Variants in CPQ observed in about 807,000 individuals in gnomAD.
CPQ encodes Ser-Met dipeptidase.
CPQ carries 37 observed loss-of-function variants against 45.7 expected under a neutral mutation model. The observed-to-expected ratio is 0.81, with a 90% CI of 0.62 to 1.07. The LOEUF is 1.07. Ranked by LOEUF, CPQ falls within the 50% of genes least tolerant of loss-of-function variation. The probability of loss-of-function intolerance (pLI) is 0.00; values close to 1 mark genes in which losing one functional copy is unlikely to be tolerated. For missense variants in CPQ, 537 were observed against 572.9 expected (o/e 0.94, Z 0.64); for synonymous variants, 186 against 205.8 (o/e 0.90, Z 0.82).
intron 4 of CPQ, among the ~76,000 whole-genome samples, chr8:96,883,660 A>G (rs1226609117): frequency 2.0e-5 from 3 of 152,216 alleles, no homozygotes; most frequent in Non-Finnish European, 4.4e-5. Context: ...AGCAAGAAGC[A>G]TGAAGTCCCT....
intron 4 of CPQ, among the ~76,000 whole-genome samples, chr8:96,904,412 TG>T (rs1385425615): frequency 6.6e-6 from 1 of 152,208 alleles, no homozygotes; most frequent in Non-Finnish European, 1.5e-5. Context: ...GTTTTGTTTT[TG>T]TTTTTTGTTA....
At chr8:96,751,478 G>A (rs1343406440) in intron 1 of CPQ, among the ~76,000 whole-genome samples, 2 of 152,184 alleles carry the variant, frequency 1.3e-5, no homozygotes, top group Admixed American at 1.3e-4. Flanking sequence ...ACTTTTTAAT[G>A]GGGTTGTTTA....
intron 7 of CPQ, among the ~76,000 whole-genome samples, chr8:97,070,923 A>G (rs1372431132): frequency 6.6e-6 from 1 of 152,182 alleles, no homozygotes; most frequent in East Asian, 1.9e-4. Context: ...CATGGTTCTT[A>G]GATGTCCCTA....
intron 1 of CPQ, among the ~76,000 whole-genome samples, chr8:96,647,479 A>G (rs111777327): frequency 3.9e-5 from 6 of 152,308 alleles, no homozygotes; most frequent in African/African-American, 1.2e-4. Context: ...ATACTATGGT[A>G]AGTCCTATTT....
chr8:96,788,684 G>A (rs1158880405), intron 2 of CPQ, among the ~76,000 whole-genome samples: 1 of 150,616 alleles, frequency 6.6e-6, no homozygotes, highest in Non-Finnish European at 1.5e-5. Context: ...AATTTGAGAA[G>A]TTTTCAGCTA....
intron 5 of CPQ, among the ~76,000 whole-genome samples, chr8:96,976,216 T>C (rs1043962905): frequency 4.7e-5 from 4 of 85,008 alleles, no homozygotes; most frequent in Non-Finnish European, 9.0e-5. Context: ...GAGAATCAAA[T>C]TAAGAACTCA....
chr8:96,870,898 C>T (rs1229350407), intron 3 of CPQ, among the ~76,000 whole-genome samples: 1 of 151,880 alleles, frequency 6.6e-6, no homozygotes, highest in Non-Finnish European at 1.5e-5. Flanking sequence ...AAAGGCCTTT[C>T]TCTGATGTCT....
At chr8:96,679,734 G>T (rs536736230) in intron 1 of CPQ, among the ~76,000 whole-genome samples, 99 of 147,906 alleles carry the variant, frequency 6.7e-4, no homozygotes, top group Middle Eastern at 7.1e-3. Context: ...GTGATTCTTT[G>T]TATTTCTGTG....
At chr8:97,007,786 C>T (rs1007169813) in intron 5 of CPQ, among the ~76,000 whole-genome samples, 3 of 152,042 alleles carry the variant, frequency 2.0e-5, no homozygotes, top group Non-Finnish European at 4.4e-5. Flanking sequence ...TAATAAAGGA[C>T]GAAATGTTTT....
At chr8:96,685,133 A>G (rs544143018) in intron 1 of CPQ, among the ~76,000 whole-genome samples, 1 of 74,728 alleles carries the variant, frequency 1.3e-5, no homozygotes, top group East Asian at 2.3e-4. Context: ...AAAAAACAAA[A>G]AACAAAAAAC....
At chr8:96,841,647 G>T (rs1811611090) in intron 3 of CPQ, among the ~76,000 whole-genome samples, 1 of 152,152 alleles carries the variant, frequency 6.6e-6, no homozygotes, top group African/African-American at 2.4e-5. Flanking sequence ...TTGTTGATAG[G>T]GCTTGGCTTT....
At chr8:96,656,548 C>G (rs1259945831) in intron 1 of CPQ, among the ~76,000 whole-genome samples, 1 of 152,126 alleles carries the variant, frequency 6.6e-6, no homozygotes, top group Non-Finnish European at 1.5e-5. Context: ...GATTGCCTGT[C>G]TCTGGGCAGG....
At chr8:96,718,730 C>T (rs1018569039) in intron 1 of CPQ, among the ~76,000 whole-genome samples, 8 of 152,076 alleles carry the variant, frequency 5.3e-5, no homozygotes, top group Non-Finnish European at 1.0e-4. Flanking sequence ...TTTGACAGGG[C>T]GCTGATTGGT....
intron 5 of CPQ, among the ~76,000 whole-genome samples, chr8:96,985,267 ATG>A (rs895003971): frequency 8.9e-5 from 11 of 122,944 alleles, no homozygotes; most frequent in African/African-American, 1.4e-4. Context: ...GGGAGCTCTT[ATG>A]TTTTTTTTTT....
chr8:96,930,923 A>G (rs959226826), intron 4 of CPQ, among the ~76,000 whole-genome samples: 2 of 152,148 alleles, frequency 1.3e-5, no homozygotes, highest in Non-Finnish European at 2.9e-5. Flanking sequence ...AATCTTATAA[A>G]ATTCCTTTGC....
At chr8:96,940,478 TTTCTTTCTTTGCTTCTTTTATGTA>T (rs1813111477) in intron 4 of CPQ, among the ~76,000 whole-genome samples, 1 of 152,216 alleles carries the variant, frequency 6.6e-6, no homozygotes, top group South Asian at 2.1e-4. Flanking sequence ...AGTTTTGTTC[TTTCTTTCTTTGCTTCTTTTATGTA>T]TTCATTCACT....
intron 1 of CPQ, among the ~76,000 whole-genome samples, chr8:96,724,309 G>C (rs776756966): frequency 3.2e-4 from 49 of 152,026 alleles, no homozygotes; most frequent in Non-Finnish European, 6.3e-4. Flanking sequence ...AATATTCAAT[G>C]TGTGAATATA....
intron 4 of CPQ, among the ~76,000 whole-genome samples, chr8:96,948,400 C>T (rs571668831): frequency 6.6e-6 from 1 of 152,200 alleles, no homozygotes; most frequent in South Asian, 2.1e-4. Context: ...CATTTTGACA[C>T]AATGGTTGTT....
intron 3 of CPQ, among the ~76,000 whole-genome samples, chr8:96,854,555 A>AAAAAAAAAAAAAAAAAAAAAAT (rs1563513693): frequency 1.8e-5 from 1 of 56,424 alleles, no homozygotes; most frequent in Non-Finnish European, 4.4e-5. Flanking sequence ...AAAAAAAAAA[A>AAAAAAAAAAAAAAAAAAAAAAT]AAAATGTGGT....
Sources: allele counts gnomAD v4.1 joint callset (sites outside exome capture counted in the v4.1 genomes callset), GRCh38; gene constraint gnomAD v4.1.1; transcripts MANE v1.5; gene names NCBI Gene and HGNC (gene_info 2026-07-23, HGNC 2026-07-21).